The following GRM5 variants were observed in gnomAD, a reference collection of about 807,000 sequenced individuals.
GRM5 encodes the protein metabotropic glutamate receptor 5.
Under a neutral mutation model 83.1 loss-of-function variants are expected in GRM5, and 19 were observed. The ratio of observed to expected loss-of-function variants is 0.23; its 90% CI spans 0.16 to 0.34. The LOEUF (loss-of-function observed/expected upper bound fraction) is 0.34. GRM5 is among the 10% of genes least tolerant of loss of function. The probability of loss-of-function intolerance (pLI) is 1.00; values close to 1 mark genes in which losing one functional copy is unlikely to be tolerated. For missense variants in GRM5, 1,160 were observed against 1,588.3 expected, an observed-to-expected ratio of 0.73 and a Z score of 4.58; for synonymous variants, 675 against 633.6, an observed-to-expected ratio of 1.07 and a Z score of -0.98.
At chr11:88,855,861 C>T (rs1944466283) in intron 2 of GRM5, among the ~76,000 whole-genome samples, 1 of 151,730 alleles carries the variant, frequency 6.6e-6, no homozygotes, top group Admixed American at 6.6e-5. Context: ...AACTACATAT[C>T]ATCACATGGT....
intron 4 of GRM5, among the ~76,000 whole-genome samples, chr11:88,620,826 C>G (rs1003603176): frequency 6.6e-6 from 1 of 152,176 alleles, no homozygotes; most frequent in Non-Finnish European, 1.5e-5. Flanking sequence ...TTTGCAGTGT[C>G]TCCAGTTTAT....
chr11:88,507,730 A>G lies in GRM5; in HGVS notation c.*862T>C, dbSNP rs1186038029. 6.6e-6 allele frequency: 1 copy of G among 152,596 alleles called. No individual in the cohort carries two copies. Among genetic ancestry groups the G allele is most frequent in the Non-Finnish European group, 1.5e-5 (1 of 68,036 alleles). 9.5% of individuals were successfully genotyped at this position (152,596 alleles called of 1,614,324 possible). Reference sequence around the variant, plus strand: ...GCTCAAGAATGATTTTTATAAAGAGAATTTCCAGCTACAATGCACCCCAGT... The same window carrying G: ...GCTCAAGAATGATTTTTATAAAGAGGATTTCCAGCTACAATGCACCCCAGT... On this transcript the variant is annotated 3_prime_UTR_variant, in exon 10 of 10. Transcript: ENST00000305447.
intron 3 of GRM5, among the ~76,000 whole-genome samples, chr11:88,748,293 G>A (rs1942186473): frequency 6.6e-6 from 1 of 152,136 alleles, no homozygotes; most frequent in South Asian, 2.1e-4. Flanking sequence ...AGGCATGAAA[G>A]CCAACCATAG....
At chr11:89,044,165 A>G (rs571790737) in intron 2 of GRM5, among the ~76,000 whole-genome samples, 2 of 152,274 alleles carry the variant, frequency 1.3e-5, no homozygotes, top group East Asian at 1.9e-4. Context: ...TAGTGCAGAG[A>G]GAGTTCTTAC....
intron 2 of GRM5, among the ~76,000 whole-genome samples, chr11:88,933,180 T>C (rs1309503245): frequency 7.8e-6 from 1 of 127,904 alleles, no homozygotes; most frequent in Non-Finnish European, 1.6e-5. Flanking sequence ...ATTCAAATAT[T>C]TGGGGCATTT....
chr11:88,518,715 G>A (rs926737036), intron 9 of GRM5, among the ~76,000 whole-genome samples: 1 of 151,814 alleles, frequency 6.6e-6, no homozygotes, highest in South Asian at 2.1e-4. Flanking sequence ...CTTATTATTG[G>A]TATCACAGAT....
intron 4 of GRM5, among the ~76,000 whole-genome samples, chr11:88,618,329 G>C (rs1938539586): frequency 6.6e-6 from 1 of 152,152 alleles, no homozygotes; most frequent in African/African-American, 2.4e-5. Flanking sequence ...AAAGAGCCCA[G>C]ACACTTTTAC....
At chr11:88,529,998 G>A (rs1941971274) in intron 8 of GRM5, among the ~76,000 whole-genome samples, 1 of 151,990 alleles carries the variant, frequency 6.6e-6, no homozygotes, top group African/African-American at 2.4e-5. Context: ...AGACACATGA[G>A]TATAAACATT....
At chr11:88,664,219 C>T (rs1939980547) in intron 3 of GRM5, among the ~76,000 whole-genome samples, 1 of 151,778 alleles carries the variant, frequency 6.6e-6, no homozygotes, top group South Asian at 2.1e-4. Flanking sequence ...AAACATTGTC[C>T]TAAGCAATAT....
At chr11:89,062,544 CA>C (rs1942016250) in intron 1 of GRM5, among the ~76,000 whole-genome samples, 1 of 152,200 alleles carries the variant, frequency 6.6e-6, no homozygotes, top group South Asian at 2.1e-4. Context: ...TGGTCTGTAT[CA>C]ATTTCTTATT....
chr11:88,808,621 C>G (rs1245788848), intron 3 of GRM5, among the ~76,000 whole-genome samples: 1 of 151,766 alleles, frequency 6.6e-6, no homozygotes, highest in African/African-American at 2.4e-5. Flanking sequence ...ACATAGTGAC[C>G]ATAACATATG....
At chr11:88,791,607 T>C (rs1305707223) in intron 3 of GRM5, among the ~76,000 whole-genome samples, 2 of 152,166 alleles carry the variant, frequency 1.3e-5, no homozygotes, top group Non-Finnish European at 2.9e-5. Context: ...TTTGTTTCTA[T>C]TATATATTCT....
At chr11:88,801,918 C>T (rs946608601) in intron 3 of GRM5, among the ~76,000 whole-genome samples, 1 of 151,958 alleles carries the variant, frequency 6.6e-6, no homozygotes. Context: ...AGAGGTTAAC[C>T]CTTTTCTGGT....
intron 2 of GRM5, among the ~76,000 whole-genome samples, chr11:88,975,106 G>A (rs1488457190): frequency 6.6e-6 from 1 of 152,318 alleles, no homozygotes; most frequent in East Asian, 1.9e-4. Flanking sequence ...ATTAAGAGAA[G>A]TTAGAACAAG....
chr11:88,852,907 CA>C (rs922728997), intron 2 of GRM5, among the ~76,000 whole-genome samples: 140 of 151,082 alleles, frequency 9.3e-4, no homozygotes, highest in Middle Eastern at 3.4e-3. Context: ...AAAAATGCAG[CA>C]AAAAAAAGTC....
intron 4 of GRM5, among the ~76,000 whole-genome samples, chr11:88,630,574 A>ACAC (rs57754831): frequency 0.023 from 364 of 15,976 alleles, 12 homozygotes; most frequent in Middle Eastern, 0.071. Context: ...CACACACACA[A>ACAC]ACACACACAC....
Position 88,938,173 on chromosome 11 carries a change from T to A in GRM5, c.662-88018A>T, listed in dbSNP as rs182387469. On this transcript the variant is annotated intron_variant, in intron 2 of 9. Coordinates refer to ENST00000305447, the MANE Select transcript of GRM5 (RefSeq NM_001143831.3). ...AACATCATGTTATACACTAAATACA[T>A]AAAATTTTATTTGTCAGTTGTATGT... 6.8e-3 allele frequency among the ~76,000 whole-genome samples: 1,031 copies of A among 151,836 alleles called. 4 individuals carry two copies. Among genetic ancestry groups the A allele is most frequent in the Middle Eastern group, 0.02 (6 of 294 alleles).
chr11:89,044,732 T>C (rs534716602), intron 2 of GRM5, among the ~76,000 whole-genome samples: 124 of 152,188 alleles, frequency 8.1e-4, no homozygotes, highest in Middle Eastern at 3.4e-3. Context: ...CTGGGATTAA[T>C]TCTCCTAATG....
chr11:88,640,718 T>C (rs909221949), intron 4 of GRM5, among the ~76,000 whole-genome samples: 2 of 152,126 alleles, frequency 1.3e-5, no homozygotes, highest in African/African-American at 2.4e-5. Context: ...GAAACTTACA[T>C]TTACCAGTTC....
Sources: allele counts gnomAD v4.1 joint callset (sites outside exome capture counted in the v4.1 genomes callset), GRCh38; gene constraint gnomAD v4.1.1; transcripts MANE v1.5; gene names NCBI Gene and HGNC (gene_info 2026-07-23, HGNC 2026-07-21).